The following RNF180 variants were observed in gnomAD, a reference collection of about 807,000 sequenced individuals.
RNF180 encodes E3 ubiquitin-protein ligase RNF180.
In RNF180, 38 loss-of-function variants were observed where a neutral mutation model predicts 59.2. The ratio of observed to expected loss-of-function variants is 0.64; its 90% CI spans 0.50 to 0.84. The LOEUF (loss-of-function observed/expected upper bound fraction) is 0.84. Ranked by LOEUF, RNF180 falls within the 40% of genes least tolerant of loss-of-function variation. RNF180 has a pLI of 0.00. For missense variants in RNF180, 705 were observed against 700.9 expected, an observed-to-expected ratio of 1.01 and a Z score of -0.07; for synonymous variants, 262 against 240.3, an observed-to-expected ratio of 1.09 and a Z score of -0.84.
chr5:64,353,589 T>C (rs1176973213), intron 7 of RNF180, among the ~76,000 whole-genome samples: 3 of 151,818 alleles, frequency 2.0e-5, no homozygotes, highest in African/African-American at 7.2e-5. Context: ...TTCATGAGTA[T>C]AAATATAAAT....
chr5:64,187,795 A>C (rs772940586), intron 1 of RNF180, among the ~76,000 whole-genome samples: 3 of 152,204 alleles, frequency 2.0e-5, no homozygotes, highest in Non-Finnish European at 4.4e-5. Context: ...CATACATTCC[A>C]TAGGCATCTG....
chr5:64,187,445 G>A (rs1283076912), intron 1 of RNF180, among the ~76,000 whole-genome samples: 1 of 152,132 alleles, frequency 6.6e-6, no homozygotes, highest in East Asian at 1.9e-4. Context: ...AGCATATGCA[G>A]AACCATTTAA....
chr5:64,359,329 A>T (rs1477787737), intron 7 of RNF180, among the ~76,000 whole-genome samples: 3 of 147,758 alleles, frequency 2.0e-5, no homozygotes, highest in Non-Finnish European at 4.5e-5. Flanking sequence ...TTGCCATTCT[A>T]ACTGGTGTGA....
chr5:64,185,936 G>A (rs986866730), intron 1 of RNF180, among the ~76,000 whole-genome samples: 11 of 152,206 alleles, frequency 7.2e-5, no homozygotes, highest in African/African-American at 2.2e-4. Flanking sequence ...AAAGTGCTAG[G>A]AATGTAAAAC....
In RNF180 at chr5:64,325,324, T is replaced by C. The variant is rs1238945483; in HGVS notation, c.1366T>C (p.Cys456Arg). The change falls in exon 6 of 8, where the codon TGC becomes CGC. Residue 456 changes from cysteine (C) to arginine (R), a missense_variant. Transcript: ENST00000389100. ...TTGCCATCACATCTTCTGTGAGCCCTGCTTACGGACTCTGGCCAAAGACAA... is the reference window on the plus strand; with the variant it reads ...TTGCCATCACATCTTCTGTGAGCCCCGCTTACGGACTCTGGCCAAAGACAA... ...YPCHHIFCEPCLRTLAKDNPS... is the reference protein window; with the variant it reads ...YPCHHIFCEPRLRTLAKDNPS... The C allele has an allele frequency of 1.9e-6, 3 of 1,551,538 alleles. No homozygotes were observed. The Admixed American group carries it at 5.9e-5, about 30-fold the overall frequency.
intron 5 of RNF180, among the ~76,000 whole-genome samples, chr5:64,257,597 C>T (rs564786991): frequency 3.9e-5 from 6 of 152,134 alleles, no homozygotes; most frequent in Non-Finnish European, 7.3e-5. Context: ...CTGCTGAATT[C>T]GGTTTGCCAG....
At chr5:64,251,933 T>A (rs1172757684) in intron 5 of RNF180, among the ~76,000 whole-genome samples, 2 of 151,656 alleles carry the variant, frequency 1.3e-5, no homozygotes, top group African/African-American at 4.8e-5. Flanking sequence ...ATGAAGGAAA[T>A]TGGAGAAAAA....
chr5:64,277,370 C>T (rs1239786050), intron 5 of RNF180, among the ~76,000 whole-genome samples: 1 of 151,984 alleles, frequency 6.6e-6, no homozygotes, highest in Middle Eastern at 3.4e-3. Flanking sequence ...AAAGATTGAT[C>T]AATATATGCT....
intron 5 of RNF180, among the ~76,000 whole-genome samples, chr5:64,321,704 C>A (rs1198093205): frequency 6.6e-6 from 1 of 152,074 alleles, no homozygotes; most frequent in Non-Finnish European, 1.5e-5. Flanking sequence ...CCCGTATAGC[C>A]AAGACAATCC....
At chr5:64,251,709 A>G (rs1343222093) in intron 5 of RNF180, among the ~76,000 whole-genome samples, 1 of 152,194 alleles carries the variant, frequency 6.6e-6, no homozygotes, top group East Asian at 1.9e-4. Flanking sequence ...GAAAATCTTA[A>G]AGACCCCATA....
At chr5:64,323,259 G>A (rs974481147) in intron 5 of RNF180, among the ~76,000 whole-genome samples, 54 of 152,228 alleles carry the variant, frequency 3.5e-4, no homozygotes, top group African/African-American at 1.2e-3. Flanking sequence ...ATAGGATATA[G>A]GCTGGGTGTG....
intron 5 of RNF180, among the ~76,000 whole-genome samples, chr5:64,253,858 C>CT (rs1457755462): frequency 2.0e-5 from 3 of 152,014 alleles, no homozygotes; most frequent in African/African-American, 7.3e-5. Flanking sequence ...ATGTGGTAGT[C>CT]TAAGAGATCA....
At chr5:64,210,925 A>G (rs1175667409) in intron 2 of RNF180, among the ~76,000 whole-genome samples, 2 of 152,106 alleles carry the variant, frequency 1.3e-5, no homozygotes, top group East Asian at 3.9e-4. Context: ...AGACCCTCAA[A>G]TCCTTCATCT....
intron 5 of RNF180, among the ~76,000 whole-genome samples, chr5:64,288,969 G>T (rs944956966): frequency 6.6e-6 from 1 of 152,056 alleles, no homozygotes. Context: ...ATCTTGTACC[G>T]GTTTTCAAGG....
In RNF180 at chr5:64,214,199, G is replaced by C. The variant is rs200862268; in HGVS notation, c.873G>C (p.Leu291=). The part of the protein sequence containing the change: ...QNPSSFDPSM[L]LQRFSVAPHE... ...CATCCAGTTTTGATCCTAGTATGCT[G>C]CTGCAAAGATTTTCAGTGGCCCCCC... The change falls in exon 4 of 8, where the codon CTG becomes CTC. Residue 291 remains leucine (L), a synonymous_variant. Transcript: ENST00000389100. The C allele has an allele frequency of 2.3e-5, 37 of 1,614,000 alleles. No individual in the cohort carries two copies. In the East Asian group the frequency reaches 8.0e-4, roughly 35 times the overall value.
At chr5:64,261,428 A>T (rs1283910278) in intron 5 of RNF180, among the ~76,000 whole-genome samples, 1 of 152,140 alleles carries the variant, frequency 6.6e-6, no homozygotes, top group African/African-American at 2.4e-5. Context: ...GCACCTGCGA[A>T]ATTGGACTGG....
At chr5:64,290,696 C>T (rs765718553) in intron 5 of RNF180, among the ~76,000 whole-genome samples, 3 of 152,070 alleles carry the variant, frequency 2.0e-5, no homozygotes, top group Non-Finnish European at 4.4e-5. Context: ...AGGACTGCAA[C>T]CCCTGCCTTT....
Position 64,212,298 on chromosome 5 carries a change from A to ACTT in RNF180, c.231+142_231+144dup, listed in dbSNP as rs1185465904. On this transcript the variant is annotated intron_variant, in intron 3 of 7. Transcript: ENST00000389100. ...CCTCACTCCCATTACCTCTCTTCAC[A>ACTT]CTTCTTTTCTCCTTTCTCCGCTTTA... 2.9e-5 allele frequency: 18 copies of ACTT among 611,886 alleles called. No individual in the cohort carries two copies. In the African/African-American group the frequency reaches 3.4e-4, roughly 11 times the overall value. 37.9% of individuals were successfully genotyped at this position (611,886 alleles called of 1,614,324 possible).
intron 5 of RNF180, among the ~76,000 whole-genome samples, chr5:64,301,982 C>T (rs1329096822): frequency 6.6e-6 from 1 of 151,458 alleles, no homozygotes; most frequent in African/African-American, 2.4e-5. Context: ...ATGTTTTTGA[C>T]CCTCTTGGTC....
Sources: gnomAD v4.1 joint callset for allele counts (sites outside exome capture counted in the v4.1 genomes callset) on GRCh38, gnomAD v4.1.1 for gene constraint, MANE v1.5 for transcripts, NCBI Gene and HGNC (gene_info 2026-07-23, HGNC 2026-07-21) for gene names.